The following CAMTA1 variants were observed in gnomAD, a reference collection of about 807,000 sequenced individuals.
CAMTA1 encodes the protein calmodulin-binding transcription activator 1.
CAMTA1 carries 27 observed loss-of-function variants against 170.9 expected under a neutral mutation model. That is an observed-to-expected ratio of 0.16 (90% CI 0.12 to 0.22). The LOEUF (loss-of-function observed/expected upper bound fraction) is 0.22, where lower values mean the gene tolerates loss of function less well. Among genes scored for constraint, CAMTA1 ranks in the 10% least tolerant of loss-of-function variants. The probability of loss-of-function intolerance (pLI) is 1.00; values close to 1 mark genes in which losing one functional copy is unlikely to be tolerated. For synonymous variants in CAMTA1, 833 were observed against 891.5 expected (o/e 0.93, Z 1.17); for missense variants, 1,619 against 2,217.2 (o/e 0.73, Z 5.42).
chr1:7,399,265 CTCTT>C (rs2089695476), intron 5 of CAMTA1, among the ~76,000 whole-genome samples: 1 of 152,176 alleles, frequency 6.6e-6, no homozygotes, highest in African/African-American at 2.4e-5. Flanking sequence ...TTTGCTCTCT[CTCTT>C]GCATTTATTT....
At chr1:6,935,884 G>A (rs1236688478) in intron 3 of CAMTA1, among the ~76,000 whole-genome samples, 1 of 152,196 alleles carries the variant, frequency 6.6e-6, no homozygotes, top group Non-Finnish European at 1.5e-5. Context: ...ACCCCGCAGA[G>A]TCTGGAGGGG....
intron 21 of CAMTA1, among the ~76,000 whole-genome samples, chr1:7,753,920 T>C (rs2150191146): frequency 6.6e-6 from 1 of 152,368 alleles, no homozygotes; most frequent in Non-Finnish European, 1.5e-5. Context: ...AAAACGGGTA[T>C]GGCTCTAAGA....
chr1:6,823,986 TA>T lies in CAMTA1; in HGVS notation c.116-1105del, dbSNP rs1405385738. 2.0e-5 allele frequency among the ~76,000 whole-genome samples: 3 copies of T among 152,158 alleles called. No individual in the cohort carries two copies. The East Asian group carries it at 5.8e-4, about 29-fold the overall frequency. ...GGAAAACTGAAACTATTAAGTAACT[TA>T]CCCAAGGTCACACAATTAGAAAGTA... On this transcript the variant is annotated intron_variant, in intron 2 of 22. Transcript: ENST00000303635.
intron 5 of CAMTA1, among the ~76,000 whole-genome samples, chr1:7,412,156 CGTT>C (rs1283087113): frequency 6.6e-6 from 1 of 152,076 alleles, no homozygotes; most frequent in East Asian, 1.9e-4. Flanking sequence ...TCCAGTCTAT[CGTT>C]GTTGGACATT....
At chr1:6,983,828 CAT>C (rs781727704) in intron 3 of CAMTA1, among the ~76,000 whole-genome samples, 1 of 119,904 alleles carries the variant, frequency 8.3e-6, no homozygotes, top group Non-Finnish European at 1.7e-5. Context: ...TTAATGCATA[CAT>C]AGGTGGATGA....
chr1:7,268,106 G>A (rs1390955735), intron 5 of CAMTA1, among the ~76,000 whole-genome samples: 1 of 152,190 alleles, frequency 6.6e-6, no homozygotes, highest in Non-Finnish European at 1.5e-5. Flanking sequence ...AACAAGCTCT[G>A]GCTTTCTGGC....
intron 4 of CAMTA1, among the ~76,000 whole-genome samples, chr1:7,235,634 A>G (rs896764000): frequency 6.6e-6 from 1 of 152,156 alleles, no homozygotes; most frequent in African/African-American, 2.4e-5. Flanking sequence ...CTCCAAAAAG[A>G]AAAGAAAAAT....
chr1:7,452,879 AGT>A (rs1431118777), intron 5 of CAMTA1, among the ~76,000 whole-genome samples: 5 of 152,126 alleles, frequency 3.3e-5, no homozygotes, highest in Non-Finnish European at 7.3e-5. Flanking sequence ...GTTACCTAGG[AGT>A]GGAATGGCTG....
chr1:6,906,504 G>A (rs1678520101), intron 3 of CAMTA1, among the ~76,000 whole-genome samples: 1 of 152,172 alleles, frequency 6.6e-6, no homozygotes, highest in Admixed American at 6.5e-5. Context: ...TCAGGGTGGT[G>A]GCAGGTGCTG....
intron 5 of CAMTA1, among the ~76,000 whole-genome samples, chr1:7,381,072 G>A (rs114421265): frequency 6.6e-6 from 1 of 152,324 alleles, no homozygotes; most frequent in Non-Finnish European, 1.5e-5. Context: ...ATTAAGATAG[G>A]TTCAGCTGCA....
chr1:6,878,262 A>G (rs1275942391), intron 3 of CAMTA1, among the ~76,000 whole-genome samples: 1 of 152,254 alleles, frequency 6.6e-6, no homozygotes, highest in Non-Finnish European at 1.5e-5. Context: ...AGATTCAAGG[A>G]TAATCATTGC....
chr1:7,563,800 C>G (rs1412412448), intron 6 of CAMTA1, among the ~76,000 whole-genome samples: 1 of 152,140 alleles, frequency 6.6e-6, no homozygotes, highest in Non-Finnish European at 1.5e-5. Context: ...CTGCATTTAC[C>G]CAGCAAATAT....
At chr1:7,442,649 G>A (rs1430286715) in intron 5 of CAMTA1, among the ~76,000 whole-genome samples, 1 of 152,168 alleles carries the variant, frequency 6.6e-6, no homozygotes, top group Non-Finnish European at 1.5e-5. Flanking sequence ...CTCAACGCGT[G>A]ACTTGGCTGA....
chr1:7,718,262 G>A (rs1046545559), intron 11 of CAMTA1, among the ~76,000 whole-genome samples: 29 of 152,212 alleles, frequency 1.9e-4, no homozygotes, highest in African/African-American at 6.5e-4. Context: ...TGGGCGTTCC[G>A]TAAACATTTG....
intron 5 of CAMTA1, among the ~76,000 whole-genome samples, chr1:7,332,589 T>C (rs2083099128): frequency 6.6e-6 from 1 of 152,198 alleles, no homozygotes; most frequent in African/African-American, 2.4e-5. Context: ...TCCAGAACTT[T>C]TTAGTTTAAC....
At chr1:7,019,361 C>A (rs918243284) in intron 3 of CAMTA1, among the ~76,000 whole-genome samples, 1 of 152,184 alleles carries the variant, frequency 6.6e-6, no homozygotes, top group Non-Finnish European at 1.5e-5. Context: ...CCAAGACCTT[C>A]CAAAAGAGTG....
rs2095982731 is a variant in CAMTA1, at chr1:7,664,077, C to T, written c.1530C>T (p.Ser510=). Residue 510 remains serine (S), a synonymous_variant, in exon 9 of 23, where the codon TCC becomes TCT. Transcript: ENST00000303635. ...GCCTGAAAGCCGAGATGGTCAGCTC[C>T]AACATCCGGCACTCGCCACCCGGGG... The part of the protein sequence containing the change: ...GGGLKAEMVS[S]NIRHSPPGER... 6.2e-7 allele frequency: 1 copy of T among 1,613,634 alleles called. No homozygotes were observed. The highest frequency in any genetic ancestry group is 8.5e-7 in the Non-Finnish European group (1 of 1,180,046).
chr1:7,738,342 G>A lies in CAMTA1; in HGVS notation c.4042G>A (p.Ala1348Thr). 6.2e-7 allele frequency: 1 copy of A among 1,614,218 alleles called. No homozygotes were observed. The highest frequency in any genetic ancestry group is 8.5e-7 in the Non-Finnish European group (1 of 1,180,052). The change falls in exon 16 of 23, where the codon GCA becomes ACA. Residue 1348 changes from alanine (A) to threonine (T), a missense_variant. Physicochemically the swap from Ala to Thr is moderately conservative, Grantham distance 58 (BLOSUM62 0). Around this residue, in one of 8 missense-constraint regions of CAMTA1, gnomAD observed 370 missense variants for 429.4 expected, o/e 0.86. Transcript: ENST00000303635. This position sits in a 1 kb window ranked among gnomAD's most constrained non-coding sequence, Gnocchi z 4.9. ...NPKGTSVGKE[A>T]APSQVRPREP... ...GAAGGGGACCAGTGTAGGAAAGGAG[G>A]CAGCACCTTCACAGGTGCGTCCACG...
intron 6 of CAMTA1, among the ~76,000 whole-genome samples, chr1:7,598,483 T>C (rs2095417238): frequency 6.6e-6 from 1 of 152,252 alleles, no homozygotes. Flanking sequence ...ATGGTATTTC[T>C]AGTTCTAGAT....
Sources: allele counts gnomAD v4.1 joint callset (sites outside exome capture counted in the v4.1 genomes callset), GRCh38; gene constraint gnomAD v4.1.1; regional missense constraint gnomAD v4.1.1; non-coding constraint Gnocchi (gnomAD v3.1); transcripts MANE v1.5; gene names NCBI Gene and HGNC (gene_info 2026-07-23, HGNC 2026-07-21).